Variants in FOCAD observed in about 807,000 individuals in gnomAD.
FOCAD encodes the protein focadhesin, also known as KIAA1797.
Under a neutral mutation model 225.6 loss-of-function variants are expected in FOCAD, and 198 were observed. The ratio of observed to expected loss-of-function variants is 0.88; its 90% CI spans 0.78 to 0.99. The LOEUF is 0.99. Ranked by LOEUF, FOCAD falls within the 50% of genes least tolerant of loss-of-function variation. The probability of loss-of-function intolerance (pLI) is 0.00; values close to 1 mark genes in which losing one functional copy is unlikely to be tolerated. For missense variants in FOCAD, 2,713 were observed against 2,123.6 expected, an observed-to-expected ratio of 1.28 and a Z score of -5.46; for synonymous variants, 897 against 755.0, an observed-to-expected ratio of 1.19 and a Z score of -3.08.
intron 3 of FOCAD, among the ~76,000 whole-genome samples, chr9:20,719,421 G>A (rs144572874): frequency 0.023 from 3,440 of 152,172 alleles, 128 homozygotes; most frequent in African/African-American, 0.079. Flanking sequence ...TTCTTTGGGA[G>A]CCGGGATATT....
chr9:20,866,907 T>TTTTTTTTTTTTTTTTTTTTTTTTTTTTTG, intron 17 of FOCAD, 22 bp from the exon 18 acceptor site: 1 of 857,064 alleles, frequency 1.2e-6, no homozygotes, highest in South Asian at 1.9e-5. Context: ...TTTTTTTTTT[T>TTTTTTTTTTTTTTTTTTTTTTTTTTTTTG]TTTTTTTTTT....
intron 3 of FOCAD, among the ~76,000 whole-genome samples, chr9:20,719,577 G>A (rs1228847351): frequency 1.3e-5 from 2 of 151,862 alleles, no homozygotes; most frequent in African/African-American, 4.8e-5. Context: ...TAGGTTTATT[G>A]TTAGTAGTGA....
In FOCAD at chr9:20,948,358, C is replaced by T. The variant is rs1183157413; in HGVS notation, c.3763C>T (p.Leu1255=). ...HGKAEDLGSK[L]LPAWIRIVLT... ...AAAAGCTGAAGACTTGGGCAGCAAA[C>T]TACTCCCTGCCTGGATCAGAATTGT... The change falls in exon 31 of 44, where the codon CTA becomes TTA. Residue 1255 remains leucine (L), a synonymous_variant. Coordinates refer to ENST00000338382, the MANE Select transcript of FOCAD (RefSeq NM_001375567.1). The T allele has an allele frequency of 1.2e-6, 2 of 1,612,526 alleles. No homozygotes were observed. Among genetic ancestry groups the T allele is most frequent in the South Asian group, 1.1e-5 (1 of 91,046 alleles).
chr9:20,865,108 A>T (rs1829111802), intron 16 of FOCAD, among the ~76,000 whole-genome samples: 1 of 152,068 alleles, frequency 6.6e-6, no homozygotes, highest in South Asian at 2.1e-4. Flanking sequence ...AGAAGCTCAA[A>T]GGTAGGTAAA....
intron 11 of FOCAD, among the ~76,000 whole-genome samples, chr9:20,815,106 TATC>T (rs991782857): frequency 1.4e-5 from 2 of 147,924 alleles, no homozygotes; most frequent in East Asian, 2.0e-4. Context: ...TATCTGGAAA[TATC>T]ATTACTTCTC....
chr9:20,792,004 A>G (rs558229072), intron 11 of FOCAD, among the ~76,000 whole-genome samples: 1 of 152,338 alleles, frequency 6.6e-6, no homozygotes, highest in Non-Finnish European at 1.5e-5. Flanking sequence ...TAGTTGTCTT[A>G]GCTCAGGCTG....
intron 26 of FOCAD, among the ~76,000 whole-genome samples, chr9:20,927,073 T>G (rs949150277): frequency 1.3e-5 from 2 of 151,894 alleles, no homozygotes; most frequent in African/African-American, 4.8e-5. Flanking sequence ...CACTGCTGAT[T>G]TAATTGCTCA....
At chr9:20,928,515 T>C (rs957253656) in intron 26 of FOCAD, among the ~76,000 whole-genome samples, 4 of 152,198 alleles carry the variant, frequency 2.6e-5, no homozygotes, top group African/African-American at 9.6e-5. Flanking sequence ...TAGTGAGGAA[T>C]GATAAACGGG....
chr9:20,750,095 C>A (rs1828411970), intron 5 of FOCAD, among the ~76,000 whole-genome samples: 1 of 152,136 alleles, frequency 6.6e-6, no homozygotes, highest in Admixed American at 6.6e-5. Context: ...CTGCTTTTTT[C>A]TTCTCTGAAC....
At position 20,717,779 on chromosome 9, in the gene FOCAD, T is replaced by G. The variant is rs555240010; in HGVS notation, c.58-15T>G. The G allele has an allele frequency of 5.6e-5, 89 of 1,603,564 alleles. 2 individuals are homozygous for G. The South Asian group carries it at 9.6e-4, about 17-fold the overall frequency. ...TTCTAAGGGACTGTGTTCATTAATT[T>G]TATTTCTTTTTAAGGCTGTGGGTCA... On this transcript the variant is annotated splice_polypyrimidine_tract_variant and intron_variant, in intron 2 of 43. Transcript: ENST00000338382.
At chr9:20,809,054 T>A (rs1386242835) in intron 11 of FOCAD, among the ~76,000 whole-genome samples, 1 of 152,170 alleles carries the variant, frequency 6.6e-6, no homozygotes, top group African/African-American at 2.4e-5. Flanking sequence ...TCTTTGTAGT[T>A]TTTTCACTTA....
intron 4 of FOCAD, among the ~76,000 whole-genome samples, chr9:20,724,388 G>A (rs539963811): frequency 2.6e-5 from 4 of 152,248 alleles, no homozygotes; most frequent in Non-Finnish European, 5.9e-5. Context: ...TGGCCAACAT[G>A]TGGAAGAAAG....
Position 20,961,165 on chromosome 9 carries a change from CCTCCGCTCCCCTCCT to C in FOCAD, c.4132+8118_4132+8132del, listed in dbSNP as rs1436092231. 1.6e-4 allele frequency among the ~76,000 whole-genome samples: 25 copies of C among 151,756 alleles called. No individual in the cohort carries two copies. In the South Asian group the frequency reaches 2.1e-3, roughly 13 times the overall value. Reference sequence around the variant, plus strand: ...CCTCTCCTCTCCACTCCTCCCCTCCCCTCCGCTCCCCTCCTCTCCGCTCCCCTCCTCTTCTCTTTC... The same window carrying C: ...CCTCTCCTCTCCACTCCTCCCCTCCCCTCCGCTCCCCTCCTCTTCTCTTTC... On this transcript the variant is annotated intron_variant, in intron 35 of 43. Transcript: ENST00000338382.
intron 35 of FOCAD, among the ~76,000 whole-genome samples, chr9:20,960,447 G>T (rs1266865265): frequency 6.6e-6 from 1 of 152,100 alleles, no homozygotes; most frequent in Non-Finnish European, 1.5e-5. Flanking sequence ...CTTTCATGTG[G>T]AGATGTTTTG....
intron 2 of FOCAD, among the ~76,000 whole-genome samples, chr9:20,663,824 T>A (rs1223847435): frequency 6.6e-6 from 1 of 152,236 alleles, no homozygotes; most frequent in Non-Finnish European, 1.5e-5. Context: ...ATCTCAAGTA[T>A]CCTTACAAAG....
Position 20,909,324 on chromosome 9 carries a change from G to C in FOCAD, c.2718+2082G>C, listed in dbSNP as rs1242052706. ...GTTAGCTAGGAAAGCAAAGCAAACA[G>C]CTCAGGAACCCAACAAGCACTAAAT... On this transcript the variant is annotated intron_variant, in intron 22 of 43. Coordinates refer to ENST00000338382, the MANE Select transcript of FOCAD (RefSeq NM_001375567.1). 3.3e-5 allele frequency among the ~76,000 whole-genome samples: 5 copies of C among 152,156 alleles called. No homozygotes were observed. The East Asian group carries it at 9.7e-4, about 29-fold the overall frequency.
intron 21 of FOCAD, among the ~76,000 whole-genome samples, chr9:20,902,089 T>C (rs1194801863): frequency 6.6e-6 from 1 of 151,934 alleles, no homozygotes; most frequent in Non-Finnish European, 1.5e-5. Flanking sequence ...TTAGTTCTGT[T>C]AAACTCCGCA....
At chr9:20,855,602 A>G (rs867913932) in intron 15 of FOCAD, among the ~76,000 whole-genome samples, 2 of 151,684 alleles carry the variant, frequency 1.3e-5, no homozygotes, top group African/African-American at 4.8e-5. Context: ...CTGTGTTTGA[A>G]ACATTTCAAT....
chr9:20,727,808 C>A lies in FOCAD; in HGVS notation c.287+7274C>A, dbSNP rs561767959. Among the ~76,000 whole-genome samples, 147 of 152,314 alleles carry A rather than the reference C, an allele frequency of 9.7e-4. 1 individual carries two copies. The highest frequency in any genetic ancestry group is 1.8e-3 in the Non-Finnish European group (121 of 68,016). ...GACTTGGCCACATTTGTTCCCATGA[C>A]ACCTAGGGATGCATCCCTCTTGGGA... On this transcript the variant is annotated intron_variant, in intron 4 of 43. Coordinates refer to ENST00000338382, the MANE Select transcript of FOCAD (RefSeq NM_001375567.1).
Sources: allele counts gnomAD v4.1 joint callset (sites outside exome capture counted in the v4.1 genomes callset), GRCh38; gene constraint gnomAD v4.1.1; transcripts MANE v1.5; gene names NCBI Gene and HGNC (gene_info 2026-07-23, HGNC 2026-07-21).